The following TMEM67 variants were observed in gnomAD, a reference collection of about 807,000 sequenced individuals.
The protein encoded by TMEM67 is transmembrane protein 67, also known as meckelin.
A neutral mutation model predicts 136.6 loss-of-function variants in TMEM67; 124 were observed. That is an observed-to-expected ratio of 0.91 (90% CI 0.78 to 1.05). The LOEUF (loss-of-function observed/expected upper bound fraction) is 1.05, where lower values mean the gene tolerates loss of function less well. Among genes scored for constraint, TMEM67 ranks in the 50% least tolerant of loss-of-function variants. The pLI is 0.00. For synonymous variants in TMEM67, 364 were observed against 390.5 expected (o/e 0.93, Z 0.80); for missense variants, 1,107 against 1,178.4 (o/e 0.94, Z 0.89).
At chr8:93,829,486 G>A in the TMEM67 span, among the ~76,000 whole-genome samples, 1 of 151,010 alleles carries the variant, frequency 6.6e-6, no homozygotes, top group Admixed American at 6.6e-5. Flanking sequence ...CTGCTCACTG[G>A]ATCTACTCCT....
At chr8:93,795,861 C>A in intron 17 of TMEM67, 40 bp from the exon 18 acceptor site, 1 of 1,391,796 alleles carries the variant, frequency 7.2e-7, no homozygotes, top group Non-Finnish European at 1.0e-6. Flanking sequence ...ACAAAAAAAA[C>A]TGTGTGTGAT....
At chr8:93,771,715 T>C (rs1221939614) in intron 6 of TMEM67, among the ~76,000 whole-genome samples, 1 of 152,250 alleles carries the variant, frequency 6.6e-6, no homozygotes, top group Non-Finnish European at 1.5e-5. Context: ...TGGCATTGTA[T>C]GTGGCTCCAT....
rs1254253202 is a variant in TMEM67, at chr8:93,803,585, A to T, written c.2242-19A>T. ...AAATCCTAAAAGCTAATAAGCATAAACTTGACTTAATGTTTCAGGTCGTGT... is the reference window on the plus strand; with the variant it reads ...AAATCCTAAAAGCTAATAAGCATAATCTTGACTTAATGTTTCAGGTCGTGT... On this transcript the variant is annotated intron_variant, in intron 21 of 27. Coordinates refer to ENST00000453321, the MANE Select transcript of TMEM67 (RefSeq NM_153704.6). 6.7e-7 allele frequency: 1 copy of T among 1,489,396 alleles called. No homozygotes were observed. Among genetic ancestry groups the T allele is most frequent in the African/African-American group, 1.4e-5 (1 of 72,640 alleles). 92.3% of individuals were successfully genotyped at this position (1,489,396 alleles called of 1,614,324 possible).
At position 93,802,193 on chromosome 8, in the gene TMEM67, T is replaced by C. The variant is rs139812669; in HGVS notation, c.2242-1411T>C. On this transcript the variant is annotated intron_variant, in intron 21 of 27. Coordinates refer to ENST00000453321, the MANE Select transcript of TMEM67 (RefSeq NM_153704.6). Reference sequence around the variant, plus strand: ...GTCAGGACCCAGAAGCCTGTCCTTCTGCCCAGCCACAAGGGACTTCCATCT... The same window carrying C: ...GTCAGGACCCAGAAGCCTGTCCTTCCGCCCAGCCACAAGGGACTTCCATCT... Among the ~76,000 whole-genome samples the C allele has an allele frequency of 1.4e-4, 22 of 152,332 alleles. 1 individual carries two copies. The East Asian group carries it at 4.2e-3, about 29-fold the overall frequency.
chr8:93,785,223 G>C lies in TMEM67; in HGVS notation c.1133G>C (p.Cys378Ser). 6.4e-7 allele frequency: 1 copy of C among 1,563,848 alleles called. No homozygotes were observed. Among genetic ancestry groups the C allele is most frequent in the Non-Finnish European group, 8.8e-7 (1 of 1,136,518 alleles). ...YSFGTTYQQN[C>S]EIPISKILID... ...TTTATTTTTAATTTTACTTTTCAGT[G>C]TGAGATTCCTATCTCTAAGATCTTA... The change falls in exon 12 of 28, where the codon TGT (cysteine) becomes TCT (serine). Residue 378 changes from cysteine to serine, a missense_variant and splice_region_variant. Physicochemically the swap from Cys to Ser is moderately radical, Grantham distance 112 (BLOSUM62 -1). Around this residue, in one of 3 missense-constraint regions of TMEM67, gnomAD observed 925 missense variants for 1,002.4 expected, o/e 0.92. Coordinates refer to ENST00000453321, the MANE Select transcript of TMEM67 (RefSeq NM_153704.6).
At chr8:93,819,229 T>G (rs1439766600), downstream of TMEM67, 1 of 432,538 alleles carries the variant, frequency 2.3e-6, no homozygotes, top group Non-Finnish European at 4.5e-6. Flanking sequence ...TAATATGATA[T>G]TAAAACTCAG....
chr8:93,813,689 A>G (rs1808788955), intron 26 of TMEM67, among the ~76,000 whole-genome samples: 1 of 152,112 alleles, frequency 6.6e-6, no homozygotes, highest in South Asian at 2.1e-4. Flanking sequence ...GGGAAAGAGG[A>G]TGAATTTAGT....
intron 12 of TMEM67, chr8:93,785,703 T>G (rs1378965435): frequency 4.3e-6 from 1 of 233,896 alleles, no homozygotes; most frequent in Non-Finnish European, 8.2e-6. Context: ...CTTTTGTTGT[T>G]ATTCATGTTA....
At chr8:93,775,842 T>C (rs896841201) in intron 7 of TMEM67, among the ~76,000 whole-genome samples, 1 of 152,176 alleles carries the variant, frequency 6.6e-6, no homozygotes, top group African/African-American at 2.4e-5. Flanking sequence ...GCAGGCTCTT[T>C]TTTGGTTCCA....
chr8:93,832,186 C>G, the TMEM67 span, among the ~76,000 whole-genome samples: 1 of 152,148 alleles, frequency 6.6e-6, no homozygotes, highest in African/African-American at 2.4e-5. Context: ...ACTCTCTATA[C>G]AGAAGGAGGA....
At chr8:93,792,744 G>T (rs1222817677) in intron 15 of TMEM67, among the ~76,000 whole-genome samples, 1 of 149,620 alleles carries the variant, frequency 6.7e-6, no homozygotes, top group East Asian at 1.9e-4. Flanking sequence ...GCCATTACAA[G>T]TTCCTCCAAC....
intron 22 of TMEM67, among the ~76,000 whole-genome samples, chr8:93,804,349 C>T (rs1381268547): frequency 8.2e-6 from 1 of 121,828 alleles, no homozygotes; most frequent in African/African-American, 3.1e-5. Flanking sequence ...AGGTCTCGCA[C>T]TGTAACCCAG....
chr8:93,822,602 C>T (rs535003407), downstream of TMEM67, among the ~76,000 whole-genome samples: 47 of 152,334 alleles, frequency 3.1e-4, no homozygotes, highest in Admixed American at 2.0e-3. Flanking sequence ...AAGAGGAACG[C>T]CATTCTCCCC....
In TMEM67 at chr8:93,816,398, A is replaced by G. The variant is rs760007075; in HGVS notation, c.2934A>G (p.Val978=). 1.3e-6 allele frequency: 2 copies of G among 1,586,174 alleles called. No individual in the cohort carries two copies. The highest frequency in any genetic ancestry group is 1.7e-5 in the Admixed American group (1 of 59,182). ...TTTTTAGATATATCCGTAATACAGT[A>G]GGACAAAAGAATTTGGCATCCAAAA... ...QEIFRYIRNT[V]GQKNLASKTL... The change falls in exon 28 of 28, where the codon GTA becomes GTG. Residue 978 remains valine, a synonymous_variant. Coordinates refer to ENST00000453321, the MANE Select transcript of TMEM67 (RefSeq NM_153704.6).
At chr8:93,804,328 TTTTTG>T in intron 22 of TMEM67, among the ~76,000 whole-genome samples, 1 of 142,234 alleles carries the variant, frequency 7.0e-6, no homozygotes, top group Non-Finnish European at 1.5e-5. Flanking sequence ...TTTTTTTTTT[TTTTTG>T]AGAAAAGGTC....
intron 7 of TMEM67, among the ~76,000 whole-genome samples, chr8:93,778,334 G>A (rs962044290): frequency 2.0e-5 from 3 of 152,074 alleles, no homozygotes; most frequent in African/African-American, 7.2e-5. Flanking sequence ...CTTTTAATTG[G>A]AGCATTTAGC....
At chr8:93,768,491 A>AT (rs57405922) in intron 6 of TMEM67, among the ~76,000 whole-genome samples, 2,779 of 151,974 alleles carry the variant, frequency 0.018, 86 homozygotes, top group African/African-American at 0.061. Context: ...GCCCTCTGTA[A>AT]CCCAGCTTCT....
chr8:93,764,177 C>T (rs1812976988), intron 4 of TMEM67, among the ~76,000 whole-genome samples: 1 of 152,112 alleles, frequency 6.6e-6, no homozygotes, highest in Non-Finnish European at 1.5e-5. Flanking sequence ...ACTTCACAAT[C>T]CCTTGTCTTT....
intron 17 of TMEM67, 24 bp downstream of exon 17, chr8:93,795,531 C>T: frequency 6.5e-7 from 1 of 1,543,702 alleles, no homozygotes; most frequent in Non-Finnish European, 9.0e-7. Context: ...TGAATTTTCC[C>T]CAACTGCCAA....
Sources: allele counts gnomAD v4.1 joint callset (sites outside exome capture counted in the v4.1 genomes callset), GRCh38; gene constraint gnomAD v4.1.1; regional missense constraint gnomAD v4.1.1; transcripts MANE v1.5; gene names NCBI Gene and HGNC (gene_info 2026-07-23, HGNC 2026-07-21).